Variants in ANK3 observed in about 807,000 individuals in gnomAD.
ANK3 encodes the protein ankyrin 3, also known as ankyrin-3.
ANK3 carries 57 observed loss-of-function variants against 370.9 expected under a neutral mutation model. That is an observed-to-expected ratio of 0.15 (90% CI 0.12 to 0.19). The LOEUF (loss-of-function observed/expected upper bound fraction) is 0.19. Among genes scored for constraint, ANK3 ranks in the 10% least tolerant of loss-of-function variants. The pLI, the probability that ANK3 is intolerant of heterozygous loss-of-function variation, is 1.00. For synonymous variants in ANK3, 1,929 were observed against 1,946.3 expected, an observed-to-expected ratio of 0.99 and a Z score of 0.23; for missense variants, 4,439 against 5,302.1, an observed-to-expected ratio of 0.84 and a Z score of 5.06.
chr10:60,250,581 G>A (rs529660974), intron 7 of ANK3, among the ~76,000 whole-genome samples: 24 of 152,186 alleles, frequency 1.6e-4, no homozygotes, highest in South Asian at 4.2e-4. Flanking sequence ...TAGCCAGGAT[G>A]GTCTCGATCT....
intron 2 of ANK3, among the ~76,000 whole-genome samples, chr10:60,575,056 A>G (rs2077666484): frequency 6.6e-6 from 1 of 152,248 alleles, no homozygotes; most frequent in African/African-American, 2.4e-5. Context: ...ATTATAAAAT[A>G]TACAAAATAC....
intron 28 of ANK3, among the ~76,000 whole-genome samples, chr10:60,102,977 A>G (rs184436257): frequency 1.3e-5 from 2 of 151,978 alleles, no homozygotes; most frequent in African/African-American, 4.8e-5. Context: ...TTTCTGAGAC[A>G]AAGTCTTGCT....
At chr10:60,198,630 G>C in intron 13 of ANK3, 93 bp from the exon 14 acceptor site, 1 of 1,169,608 alleles carries the variant, frequency 8.5e-7, no homozygotes, top group Non-Finnish European at 1.3e-6. Flanking sequence ...CTTGATGTAA[G>C]AGGTACAATC....
At chr10:60,263,209 G>T (rs1255638072) in intron 6 of ANK3, among the ~76,000 whole-genome samples, 1 of 152,182 alleles carries the variant, frequency 6.6e-6, no homozygotes, top group African/African-American at 2.4e-5. Flanking sequence ...TTCACTATTG[G>T]TGATATGGAT....
chr10:60,094,943 A>G lies in ANK3; in HGVS notation c.3329-6585T>C, dbSNP rs77753791. Among the ~76,000 whole-genome samples, 451 of 152,366 alleles carry G rather than the reference A, an allele frequency of 3.0e-3. 1 individual carries two copies. The highest frequency in any genetic ancestry group is 4.6e-3 in the Non-Finnish European group (315 of 68,040). Reference sequence around the variant, plus strand: ...TGCTTTTAAAAAAGGAAAGTGAAATACAAAACAAAATATCCTTAGCTCAGT... The same window carrying G: ...TGCTTTTAAAAAAGGAAAGTGAAATGCAAAACAAAATATCCTTAGCTCAGT... On this transcript the variant is annotated intron_variant, in intron 28 of 43. Coordinates refer to ENST00000280772, the MANE Select transcript of ANK3 (RefSeq NM_020987.5).
Position 60,043,708 on chromosome 10 carries a change from C to T in ANK3, c.13066-949G>A, listed in dbSNP as rs968582598. 3.6e-5 allele frequency: 35 copies of T among 985,404 alleles called. 1 individual carries two copies. In the Admixed American group the frequency reaches 3.7e-4, roughly 10 times the overall value. 61.0% of individuals were successfully genotyped at this position (985,404 alleles called of 1,614,324 possible). On this transcript the variant is annotated intron_variant, in intron 42 of 43. Coordinates refer to ENST00000280772, the MANE Select transcript of ANK3 (RefSeq NM_020987.5). ...AAGCCTGTGCTTTTGGAGTGCTCTC[C>T]GCCCCTGTCCCAACAGACACTCTGC...
chr10:60,421,330 G>T, intron 2 of ANK3, among the ~76,000 whole-genome samples: 1 of 151,904 alleles, frequency 6.6e-6, no homozygotes, highest in East Asian at 1.9e-4. Context: ...GGCAAATTTT[G>T]TTATACATCT....
Position 60,208,091 on chromosome 10 carries a change from T to A in ANK3, c.1139A>T (p.Tyr380Phe). 1 of 1,614,122 alleles carries A rather than the reference T, an allele frequency of 6.2e-7. No homozygotes were observed. Among genetic ancestry groups the A allele is most frequent in the Non-Finnish European group, 8.5e-7 (1 of 1,180,000 alleles). Residue 380 changes from tyrosine to phenylalanine, a missense_variant, in exon 10 of 44, where the codon TAC becomes TTC. This residue lies in a region of ANK3 where 227 missense variants were observed against 377.6 expected (regional missense o/e 0.60). Transcript: ENST00000280772. The stretch of plus-strand genomic sequence containing the variant: ...ATCCAAGAGAACCTTGGCAACTTTG[T>A]AATGGCCACAGTGGGCAGCCACGTG... ...ALHVAAHCGHYKVAKVLLDKK... is the reference protein window; with the variant it reads ...ALHVAAHCGHFKVAKVLLDKK...
At chr10:60,491,090 T>C (rs2075488312) in intron 2 of ANK3, among the ~76,000 whole-genome samples, 1 of 152,254 alleles carries the variant, frequency 6.6e-6, no homozygotes, top group Non-Finnish European at 1.5e-5. Flanking sequence ...TGTTCATCTA[T>C]GTTGTTGCAT....
At chr10:60,413,798 C>T (rs990958504) in intron 2 of ANK3, among the ~76,000 whole-genome samples, 4 of 151,984 alleles carry the variant, frequency 2.6e-5, no homozygotes, top group Admixed American at 2.0e-4. Flanking sequence ...ATTTCAACAC[C>T]AGCTTGGGCA....
intron 42 of ANK3, chr10:60,051,420 G>A: frequency 1.2e-6 from 1 of 814,826 alleles, no homozygotes; most frequent in Non-Finnish European, 1.5e-6. Context: ...ACAACCACAA[G>A]GAAGGAGTTT....
intron 23 of ANK3, among the ~76,000 whole-genome samples, chr10:60,146,398 C>A (rs1312226947): frequency 1.3e-5 from 2 of 152,130 alleles, no homozygotes; most frequent in African/African-American, 2.4e-5. Flanking sequence ...ATTTCATCAT[C>A]CAGGTAAAGA....
intron 2 of ANK3, among the ~76,000 whole-genome samples, chr10:60,483,803 G>A (rs1206395435): frequency 6.6e-6 from 1 of 152,142 alleles, no homozygotes; most frequent in African/African-American, 2.4e-5. Context: ...CGCCGAACAA[G>A]ACCTTATGAG....
intron 7 of ANK3, among the ~76,000 whole-genome samples, chr10:60,248,333 C>A (rs965352225): frequency 2.6e-5 from 4 of 152,140 alleles, no homozygotes; most frequent in Non-Finnish European, 5.9e-5. Context: ...CTTGCCAAGA[C>A]CGGCTATTTT....
intron 12 of ANK3, among the ~76,000 whole-genome samples, chr10:60,200,738 A>G (rs1329730188): frequency 6.6e-6 from 1 of 152,214 alleles, no homozygotes; most frequent in Non-Finnish European, 1.5e-5. Flanking sequence ...ACTCTTAAAT[A>G]TTGACCATAA....
intron 1 of ANK3, among the ~76,000 whole-genome samples, chr10:60,679,663 A>G (rs2079169115): frequency 6.6e-6 from 1 of 152,172 alleles, no homozygotes; most frequent in Non-Finnish European, 1.5e-5. Context: ...ACCCCAAGAA[A>G]GAATCAGGGG....
chr10:60,582,120 A>G (rs577653641), intron 2 of ANK3, among the ~76,000 whole-genome samples: 14 of 151,920 alleles, frequency 9.2e-5, no homozygotes, highest in Non-Finnish European at 2.1e-4. Flanking sequence ...GGGGCTTGTC[A>G]GGGGTTGCGG....
At chr10:60,349,724 C>T (rs1051349268) in intron 1 of ANK3, among the ~76,000 whole-genome samples, 3 of 152,144 alleles carry the variant, frequency 2.0e-5, no homozygotes, top group African/African-American at 7.2e-5. Flanking sequence ...ATCATTGGAA[C>T]AAAAGTTGAA....
At chr10:60,156,797 T>C (rs543936004) in intron 23 of ANK3, among the ~76,000 whole-genome samples, 2 of 152,294 alleles carry the variant, frequency 1.3e-5, no homozygotes, top group African/African-American at 2.4e-5. Context: ...TTTTGAATTC[T>C]TGGAAAGTCC....
Sources: gnomAD v4.1 joint callset for allele counts (sites outside exome capture counted in the v4.1 genomes callset) on GRCh38, gnomAD v4.1.1 for gene constraint, gnomAD v4.1.1 regional missense constraint, MANE v1.5 for transcripts, NCBI Gene and HGNC (gene_info 2026-07-23, HGNC 2026-07-21) for gene names.